Variants in B4GALT6 observed in about 807,000 individuals in gnomAD.
B4GALT6 encodes UDP-Gal:beta-GlcNAc beta-1,4-galactosyltransferase 6.
In B4GALT6, 14 loss-of-function variants were observed where a neutral mutation model predicts 46.3. The ratio of observed to expected loss-of-function variants is 0.30; its 90% CI spans 0.20 to 0.47. The LOEUF is 0.47. Ranked by LOEUF, B4GALT6 falls within the 20% of genes least tolerant of loss-of-function variation. The pLI, the probability that B4GALT6 is intolerant of heterozygous loss-of-function variation, is 0.99. For synonymous variants in B4GALT6, 168 were observed against 162.0 expected (o/e 1.04, Z -0.28); for missense variants, 386 against 480.1 (o/e 0.80, Z 1.83).
At chr18:31,684,806 C>G (rs536295765), upstream of B4GALT6, 689 of 1,020,042 alleles carry the variant, frequency 6.8e-4, 1 homozygote, top group Admixed American at 1.7e-3. Context: ...GGCTGCGCGC[C>G]GCGGCGCCCC....
the B4GALT6 span, among the ~76,000 whole-genome samples, chr18:31,701,312 A>C: frequency 1.3e-5 from 2 of 152,158 alleles, no homozygotes; most frequent in African/African-American, 4.8e-5. Flanking sequence ...TGCTCTGGCC[A>C]TGTAAGACAT....
chr18:31,625,768 T>C lies in B4GALT6; in HGVS notation c.1002-7A>G. On this transcript the variant is annotated splice_polypyrimidine_tract_variant and splice_region_variant and intron_variant, in intron 8 of 8. Transcript: ENST00000306851. Reference sequence around the variant, plus strand: ...ATACCTTAGTAATTTATACCTATAGTTTTAGAGGAAAAAACAAAAAAGCAA... The same window carrying C: ...ATACCTTAGTAATTTATACCTATAGCTTTAGAGGAAAAAACAAAAAAGCAA... 6.4e-7 allele frequency: 1 copy of C among 1,567,314 alleles called. No homozygotes were observed. The highest frequency in any genetic ancestry group is 8.6e-7 in the Non-Finnish European group (1 of 1,164,146).
In B4GALT6 at chr18:31,633,411, T is replaced by A. The variant is rs377731885; in HGVS notation, c.589-2265A>T. Among the ~76,000 whole-genome samples the A allele has an allele frequency of 1.5e-4, 23 of 152,272 alleles. No homozygotes were observed. In the South Asian group the frequency reaches 1.9e-3, roughly 12 times the overall value. ...TAATATAAAACTACCACCTATCACATACATTTAAATGTGAAATATGAGGTA... is the reference window on the plus strand; with the variant it reads ...TAATATAAAACTACCACCTATCACAAACATTTAAATGTGAAATATGAGGTA... On this transcript the variant is annotated intron_variant, in intron 5 of 8. Transcript: ENST00000306851.
At chr18:31,698,128 T>C in the B4GALT6 span, among the ~76,000 whole-genome samples, 1 of 152,232 alleles carries the variant, frequency 6.6e-6, no homozygotes, top group Non-Finnish European at 1.5e-5. Context: ...TTGCCTTCTC[T>C]TTTAATTTTC....
chr18:31,690,624 C>A (rs1038274898), upstream of B4GALT6, among the ~76,000 whole-genome samples: 14 of 151,896 alleles, frequency 9.2e-5, no homozygotes, highest in African/African-American at 3.4e-4. Flanking sequence ...GCACCCACCA[C>A]CACACCCAGT....
chr18:31,658,656 A>G (rs1216682541), intron 2 of B4GALT6, among the ~76,000 whole-genome samples: 1 of 152,322 alleles, frequency 6.6e-6, no homozygotes, highest in African/African-American at 2.4e-5. Flanking sequence ...CATTAGGTCC[A>G]TTATCTTTAG....
chr18:31,640,363 G>T (rs958454444), intron 4 of B4GALT6, among the ~76,000 whole-genome samples: 2 of 152,086 alleles, frequency 1.3e-5, no homozygotes, highest in Non-Finnish European at 2.9e-5. Context: ...ATTTAACCAT[G>T]TATTTTACGT....
chr18:31,721,225 T>C, the B4GALT6 span, among the ~76,000 whole-genome samples: 1 of 151,936 alleles, frequency 6.6e-6, no homozygotes, highest in African/African-American at 2.4e-5. Flanking sequence ...TTAGGAGAAA[T>C]ACCTAATATA....
intron 3 of B4GALT6, among the ~76,000 whole-genome samples, chr18:31,653,435 CTTTTTTTTTTTTTTT>C (rs5823819): frequency 2.7e-5 from 2 of 74,148 alleles, no homozygotes; most frequent in African/African-American, 1.1e-4. Flanking sequence ...AACCTTTTTT[CTTTTTTTTTTTTTTT>C]TTTTTTTTTT....
At chr18:31,699,852 T>C in the B4GALT6 span, among the ~76,000 whole-genome samples, 3 of 152,154 alleles carry the variant, frequency 2.0e-5, no homozygotes, top group East Asian at 1.9e-4. Flanking sequence ...ACAGTAGTTA[T>C]GTAAGTTTAT....
At chr18:31,714,843 T>A in the B4GALT6 span, among the ~76,000 whole-genome samples, 2 of 152,168 alleles carry the variant, frequency 1.3e-5, no homozygotes, top group African/African-American at 4.8e-5. Context: ...GTCAGCTCAT[T>A]TCCCTGGCTC....
chr18:31,656,335 T>G (rs1397966568), intron 3 of B4GALT6, among the ~76,000 whole-genome samples: 1 of 152,166 alleles, frequency 6.6e-6, no homozygotes, highest in Non-Finnish European at 1.5e-5. Flanking sequence ...AGATGTTTAT[T>G]TAAATCTTTA....
chr18:31,720,410 A>G, the B4GALT6 span, among the ~76,000 whole-genome samples: 1 of 152,250 alleles, frequency 6.6e-6, no homozygotes, highest in Non-Finnish European at 1.5e-5. Context: ...AGAGATGTCA[A>G]GGACTGCAAA....
the B4GALT6 span, among the ~76,000 whole-genome samples, chr18:31,718,528 TC>T: frequency 6.6e-6 from 1 of 152,192 alleles, no homozygotes; most frequent in Non-Finnish European, 1.5e-5. Context: ...CACAACGCTC[TC>T]CACATATCTG....
At chr18:31,669,637 T>C (rs976545854) in intron 1 of B4GALT6, among the ~76,000 whole-genome samples, 1 of 151,988 alleles carries the variant, frequency 6.6e-6, no homozygotes, top group African/African-American at 2.4e-5. Flanking sequence ...AAAAGAAAAC[T>C]AAAAGAACAG....
chr18:31,675,370 C>T (rs1230077611), intron 1 of B4GALT6, among the ~76,000 whole-genome samples: 1 of 152,166 alleles, frequency 6.6e-6, no homozygotes, highest in Non-Finnish European at 1.5e-5. Flanking sequence ...CATCTGGCTT[C>T]CTCTGTAAAG....
intron 5 of B4GALT6, among the ~76,000 whole-genome samples, chr18:31,631,956 A>G (rs890412803): frequency 1.3e-5 from 2 of 152,180 alleles, no homozygotes; most frequent in Non-Finnish European, 2.9e-5. Context: ...CAAAAAATAC[A>G]ATTTTATTAC....
At chr18:31,680,386 C>T (rs1045953984) in intron 1 of B4GALT6, among the ~76,000 whole-genome samples, 16 of 152,190 alleles carry the variant, frequency 1.1e-4, no homozygotes, top group African/African-American at 3.6e-4. Flanking sequence ...TCTCCCACAA[C>T]ATACATGCTT....
chr18:31,717,858 G>A, the B4GALT6 span, among the ~76,000 whole-genome samples: 2 of 151,246 alleles, frequency 1.3e-5, no homozygotes, highest in African/African-American at 2.4e-5. Flanking sequence ...GGAGGCTGAG[G>A]CAGGAGAATC....
Sources: allele counts gnomAD v4.1 joint callset (sites outside exome capture counted in the v4.1 genomes callset), GRCh38; gene constraint gnomAD v4.1.1; transcripts MANE v1.5; gene names NCBI Gene and HGNC (gene_info 2026-07-23, HGNC 2026-07-21).